LSAMP: variants seen among roughly 807,000 people sequenced by gnomAD.
The protein encoded by LSAMP is limbic system associated membrane protein, also known as limbic system-associated membrane protein.
In LSAMP, 7 loss-of-function variants were observed where a neutral mutation model predicts 38.6. That is an observed-to-expected ratio of 0.18 (90% CI 0.10 to 0.34). The LOEUF is 0.34. Ranked by LOEUF, LSAMP falls within the 10% of genes least tolerant of loss-of-function variation. The probability of loss-of-function intolerance (pLI) is 1.00; values close to 1 mark genes in which losing one functional copy is unlikely to be tolerated. For missense variants in LSAMP, 313 were observed against 420.0 expected (o/e 0.75, Z 2.23); for synonymous variants, 154 against 166.8 (o/e 0.92, Z 0.59).
intron 3 of LSAMP, among the ~76,000 whole-genome samples, chr3:115,869,298 G>A (rs953831844): frequency 6.6e-6 from 1 of 151,798 alleles, no homozygotes; most frequent in Middle Eastern, 3.4e-3. Context: ...GAGAGAGAGA[G>A]AGAGACTGAC....
chr3:116,193,226 TAGTA>T (rs1223814030), intron 1 of LSAMP, among the ~76,000 whole-genome samples: 1 of 152,202 alleles, frequency 6.6e-6, no homozygotes, highest in African/African-American at 2.4e-5. Context: ...TAAACAGGGA[TAGTA>T]AGGCGTCTTT....
intron 3 of LSAMP, among the ~76,000 whole-genome samples, chr3:115,938,608 G>A (rs1488741097): frequency 6.6e-6 from 1 of 152,140 alleles, no homozygotes; most frequent in African/African-American, 2.4e-5. Flanking sequence ...TGAATAACAT[G>A]AGTTTTGATT....
At chr3:116,306,604 C>T (rs1444518718) in intron 1 of LSAMP, among the ~76,000 whole-genome samples, 1 of 151,942 alleles carries the variant, frequency 6.6e-6, no homozygotes. Context: ...CCATCTCATC[C>T]CTGGGCTTAG....
chr3:116,145,557 T>G (rs1263664099), intron 1 of LSAMP, among the ~76,000 whole-genome samples: 1 of 151,950 alleles, frequency 6.6e-6, no homozygotes, highest in Admixed American at 6.6e-5. Flanking sequence ...GGTGATCTAT[T>G]TTATTCAAAG....
At chr3:116,314,454 C>A (rs1242520141) in intron 1 of LSAMP, among the ~76,000 whole-genome samples, 2 of 152,112 alleles carry the variant, frequency 1.3e-5, no homozygotes, top group Non-Finnish European at 2.9e-5. Context: ...GACAAACCTG[C>A]CAAACACTTT....
At chr3:116,433,768 A>G (rs1164765612) in intron 1 of LSAMP, among the ~76,000 whole-genome samples, 1 of 152,128 alleles carries the variant, frequency 6.6e-6, no homozygotes, top group African/African-American at 2.4e-5. Context: ...CCCTAGAGGG[A>G]GAAAGCCACC....
intron 1 of LSAMP, among the ~76,000 whole-genome samples, chr3:116,301,892 T>TAAAC (rs2047414174): frequency 6.6e-6 from 1 of 152,096 alleles, no homozygotes; most frequent in East Asian, 1.9e-4. Flanking sequence ...AGTGAAAGAG[T>TAAAC]AAACAAAAAT....
At chr3:116,241,564 T>TA (rs1403252741) in intron 1 of LSAMP, among the ~76,000 whole-genome samples, 1 of 152,116 alleles carries the variant, frequency 6.6e-6, no homozygotes, top group Non-Finnish European at 1.5e-5. Flanking sequence ...AGATTCTGTC[T>TA]AAAAAACAGA....
intron 3 of LSAMP, among the ~76,000 whole-genome samples, chr3:115,861,060 T>TCCCTCCCTCTCTCCCTCTTTCCTC (rs779052045): frequency 3.0e-5 from 2 of 66,416 alleles, no homozygotes; most frequent in Admixed American, 1.6e-4. Flanking sequence ...CTCCCCTCCC[T>TCCCTCCCTCTCTCCCTCTTTCCTC]CCCTCCCTCT....
intron 3 of LSAMP, among the ~76,000 whole-genome samples, chr3:115,996,706 A>T (rs1282470903): frequency 6.6e-6 from 1 of 152,068 alleles, no homozygotes; most frequent in East Asian, 1.9e-4. Flanking sequence ...GGTTAAATTC[A>T]TGTAGTTTTT....
intron 3 of LSAMP, among the ~76,000 whole-genome samples, chr3:115,879,661 T>C (rs772869712): frequency 6.6e-6 from 1 of 152,110 alleles, no homozygotes; most frequent in African/African-American, 2.4e-5. Flanking sequence ...TGAGTGACAA[T>C]TTTAAGACTA....
chr3:116,301,517 T>G lies in LSAMP; in HGVS notation c.155+143360A>C, dbSNP rs192715327. 9.2e-5 allele frequency among the ~76,000 whole-genome samples: 14 copies of G among 152,344 alleles called. No individual in the cohort carries two copies. In the East Asian group the frequency reaches 2.7e-3, roughly 29 times the overall value. On this transcript the variant is annotated intron_variant, in intron 1 of 6. Transcript: ENST00000490035. ...TTATCTGAAAAACAGGTAGACTGTT[T>G]GCTGATTTCCAAGACTATACATCTT...
At chr3:116,433,272 T>C (rs1361533224) in intron 1 of LSAMP, among the ~76,000 whole-genome samples, 3 of 152,026 alleles carry the variant, frequency 2.0e-5, no homozygotes, top group East Asian at 1.9e-4. Flanking sequence ...TGGCAAATAG[T>C]AGCATAACTA....
intron 1 of LSAMP, among the ~76,000 whole-genome samples, chr3:116,137,778 T>A (rs1193663273): frequency 6.6e-6 from 1 of 152,120 alleles, no homozygotes; most frequent in Non-Finnish European, 1.5e-5. Flanking sequence ...TTAGAGAAGA[T>A]CAGGCTGATA....
chr3:116,412,287 A>G (rs1223059097), intron 1 of LSAMP, among the ~76,000 whole-genome samples: 1 of 152,068 alleles, frequency 6.6e-6, no homozygotes, highest in Non-Finnish European at 1.5e-5. Flanking sequence ...AGATTGAGTT[A>G]AAAAGATCTG....
intron 6 of LSAMP, among the ~76,000 whole-genome samples, chr3:115,837,505 A>G (rs1934832941): frequency 6.6e-6 from 1 of 152,144 alleles, no homozygotes; most frequent in Admixed American, 6.5e-5. Flanking sequence ...GAACATCAAC[A>G]TGCCAAAGAG....
At position 116,207,523 on chromosome 3, in the gene LSAMP, G is replaced by C. The variant is rs574989997; in HGVS notation, c.156-120967C>G. 4.5e-3 allele frequency among the ~76,000 whole-genome samples: 690 copies of C among 151,682 alleles called. 26 individuals are homozygous for C. The highest frequency in any genetic ancestry group is 0.04 in the Admixed American group (608 of 15,192). On this transcript the variant is annotated intron_variant, in intron 1 of 6. Coordinates refer to ENST00000490035, the MANE Select transcript of LSAMP (RefSeq NM_002338.5). Reference sequence around the variant, plus strand: ...CTCGATGGTCTTTACATTTTGGCATGATTTTGCAGCGGCTGGTCCCGGTTG... The same window carrying C: ...CTCGATGGTCTTTACATTTTGGCATCATTTTGCAGCGGCTGGTCCCGGTTG...
chr3:115,995,726 G>C (rs4131452), intron 3 of LSAMP, among the ~76,000 whole-genome samples: 54,226 of 151,840 alleles, frequency 0.36, 9,723 homozygotes, highest in Admixed American at 0.39. Flanking sequence ...TAGGACAGAA[G>C]TATCATTCAA....
At chr3:116,243,492 A>G (rs903468504) in intron 1 of LSAMP, among the ~76,000 whole-genome samples, 1 of 152,204 alleles carries the variant, frequency 6.6e-6, no homozygotes, top group African/African-American at 2.4e-5. Flanking sequence ...ATGTGTTAGC[A>G]TTTTATCAAT....
Sources: gnomAD v4.1 joint callset for allele counts (sites outside exome capture counted in the v4.1 genomes callset) on GRCh38, gnomAD v4.1.1 for gene constraint, MANE v1.5 for transcripts, NCBI Gene and HGNC (gene_info 2026-07-23, HGNC 2026-07-21) for gene names.